The following RANBP2 variants were observed in gnomAD, a reference collection of about 807,000 sequenced individuals.
RANBP2 encodes the protein RAN binding protein 2.
A neutral mutation model predicts 303.6 loss-of-function variants in RANBP2; 57 were observed. The observed-to-expected ratio is 0.19, with a 90% CI of 0.15 to 0.23. The LOEUF is 0.23. Among genes scored for constraint, RANBP2 ranks in the 10% least tolerant of loss-of-function variants. RANBP2 has a pLI of 1.00. For synonymous variants in RANBP2, 1,167 were observed against 1,301.5 expected, an observed-to-expected ratio of 0.90 and a Z score of 2.23; for missense variants, 3,138 against 3,780.8, an observed-to-expected ratio of 0.83 and a Z score of 4.46.
intron 6 of RANBP2, among the ~76,000 whole-genome samples, chr2:108,737,874 C>T (rs1297748585): frequency 3.4e-5 from 5 of 148,450 alleles, no homozygotes; most frequent in East Asian, 2.0e-4. Context: ...CCACCACGCT[C>T]CGCTAATTTT....
chr2:109,209,704 A>G, the RANBP2 span, among the ~76,000 whole-genome samples: 1 of 152,172 alleles, frequency 6.6e-6, no homozygotes, highest in East Asian at 1.9e-4. Flanking sequence ...TCACTACAAA[A>G]TGTAGCTTTT....
chr2:108,861,472 CTTTTTTTTTTTTTTTT>C, the RANBP2 span, among the ~76,000 whole-genome samples: 3 of 123,524 alleles, frequency 2.4e-5, no homozygotes, highest in Non-Finnish European at 3.2e-5. Flanking sequence ...AACTTTCTTC[CTTTTTTTTTTTTTTTT>C]TTTTTTTTTT....
chr2:108,852,430 A>G, the RANBP2 span, among the ~76,000 whole-genome samples: 1 of 152,208 alleles, frequency 6.6e-6, no homozygotes, highest in African/African-American at 2.4e-5. Flanking sequence ...AAATTGTTCT[A>G]TTATAAGGAC....
the RANBP2 span, among the ~76,000 whole-genome samples, chr2:109,003,368 T>C: frequency 6.6e-6 from 1 of 152,008 alleles, no homozygotes; most frequent in Non-Finnish European, 1.5e-5. Context: ...AAAGGATGCA[T>C]GAGTGAATGA....
chr2:109,586,903 T>A, the RANBP2 span, among the ~76,000 whole-genome samples: 2 of 152,164 alleles, frequency 1.3e-5, no homozygotes, highest in African/African-American at 2.4e-5. Context: ...AGCAATTTAA[T>A]TGCCTGTTAG....
At chr2:109,694,666 C>T in the RANBP2 span, among the ~76,000 whole-genome samples, 6 of 151,942 alleles carry the variant, frequency 3.9e-5, no homozygotes, top group Admixed American at 6.6e-5. Flanking sequence ...TCTGAAAATC[C>T]GAAATGTGAA....
chr2:109,366,204 T>C, the RANBP2 span, among the ~76,000 whole-genome samples: 1 of 152,202 alleles, frequency 6.6e-6, no homozygotes, highest in Non-Finnish European at 1.5e-5. Context: ...TAAGCAAAAA[T>C]AGTAAAATTA....
intron 6 of RANBP2, among the ~76,000 whole-genome samples, chr2:108,738,414 C>G (rs538957623): frequency 6.6e-6 from 1 of 151,958 alleles, no homozygotes; most frequent in Non-Finnish European, 1.5e-5. Context: ...CTACCTTGGC[C>G]TCCCAAAGTA....
the RANBP2 span, among the ~76,000 whole-genome samples, chr2:109,143,947 A>T: frequency 6.6e-6 from 1 of 152,232 alleles, no homozygotes; most frequent in African/African-American, 2.4e-5. Context: ...CAAGCCACAG[A>T]CACAGAAAGG....
At chr2:109,095,982 T>C in the RANBP2 span, among the ~76,000 whole-genome samples, 1 of 152,158 alleles carries the variant, frequency 6.6e-6, no homozygotes, top group Non-Finnish European at 1.5e-5. Context: ...GCTGCCCTCA[T>C]TGGGTCTTGT....
chr2:109,210,245 GAAT>G, the RANBP2 span, among the ~76,000 whole-genome samples: 1 of 152,234 alleles, frequency 6.6e-6, no homozygotes, highest in African/African-American at 2.4e-5. Context: ...TGGCTGTTGG[GAAT>G]AATGTCACTA....
chr2:108,950,628 C>T, the RANBP2 span, among the ~76,000 whole-genome samples: 2 of 152,346 alleles, frequency 1.3e-5, no homozygotes, highest in East Asian at 1.9e-4. Flanking sequence ...GCATTCTGGA[C>T]GTGACACACA....
At chr2:109,249,438 G>A in the RANBP2 span, among the ~76,000 whole-genome samples, 1 of 151,208 alleles carries the variant, frequency 6.6e-6, no homozygotes, top group Non-Finnish European at 1.5e-5. Flanking sequence ...CTTCCCTCCT[G>A]CACCAGATCT....
chr2:109,449,497 G>T, the RANBP2 span: 2 of 1,613,154 alleles, frequency 1.2e-6, no homozygotes, highest in Non-Finnish European at 8.5e-7. Flanking sequence ...AAGGTAAGAG[G>T]CCCATCCTGG....
chr2:109,129,238 C>T, the RANBP2 span: 1 of 566,624 alleles, frequency 1.8e-6, no homozygotes, highest in Non-Finnish European at 3.2e-6. Context: ...CCGGCAGCAC[C>T]CCCGGTCCCC....
At chr2:109,004,397 G>C in the RANBP2 span, among the ~76,000 whole-genome samples, 32,223 of 152,182 alleles carry the variant, frequency 0.21, 3,531 homozygotes, top group Middle Eastern at 0.35. Flanking sequence ...AAGTGTCTTA[G>C]AAATGCACAT....
At chr2:109,193,718 C>T in the RANBP2 span, among the ~76,000 whole-genome samples, 1 of 152,154 alleles carries the variant, frequency 6.6e-6, no homozygotes, top group African/African-American at 2.4e-5. Flanking sequence ...ATGTAGTATA[C>T]ATTCTGACCC....
chr2:109,714,535 C>T, the RANBP2 span, among the ~76,000 whole-genome samples: 1 of 152,042 alleles, frequency 6.6e-6, no homozygotes, highest in Non-Finnish European at 1.5e-5. Context: ...CTCTTGACCT[C>T]GTAATCTGCC....
chr2:109,679,897 T>G, the RANBP2 span, among the ~76,000 whole-genome samples: 5 of 152,218 alleles, frequency 3.3e-5, no homozygotes, highest in African/African-American at 1.2e-4. Flanking sequence ...TGACACTGTT[T>G]GACCCTGAGA....
Sources: gnomAD v4.1 joint callset for allele counts (sites outside exome capture counted in the v4.1 genomes callset) on GRCh38, gnomAD v4.1.1 for gene constraint, MANE v1.5 for transcripts, NCBI Gene and HGNC (gene_info 2026-07-23, HGNC 2026-07-21) for gene names.